LARP4B: variants seen among roughly 807,000 people sequenced by gnomAD.
LARP4B encodes the protein La ribonucleoprotein 4B, also known as la-related protein 4B.
LARP4B carries 12 observed loss-of-function variants against 89.8 expected under a neutral mutation model. The observed-to-expected ratio is 0.13, with a 90% confidence interval of 0.09 to 0.22. LARP4B has a LOEUF of 0.22. Among genes scored for constraint, LARP4B ranks in the 10% least tolerant of loss-of-function variants. The probability of loss-of-function intolerance (pLI) is 1.00; values close to 1 mark genes in which losing one functional copy is unlikely to be tolerated. For missense variants in LARP4B, 757 were observed against 947.7 expected (o/e 0.80, Z 2.64); for synonymous variants, 367 against 363.3 (o/e 1.01, Z -0.12).
intron 1 of LARP4B, among the ~76,000 whole-genome samples, chr10:930,869 C>A (rs952580493): frequency 6.6e-6 from 1 of 151,890 alleles, no homozygotes; most frequent in Non-Finnish European, 1.5e-5. Context: ...GCCGCCTATC[C>A]GGGCTCCGGC....
At chr10:931,321 C>G (rs1312752758) in intron 1 of LARP4B, 107 bp downstream of exon 1, 13 of 151,772 alleles carry the variant, frequency 8.6e-5, no homozygotes, top group African/African-American at 3.1e-4. Flanking sequence ...CGGCCCTGCC[C>G]GCCGCGGCCG....
intron 5 of LARP4B, among the ~76,000 whole-genome samples, chr10:861,544 C>T (rs1834618246): frequency 6.6e-6 from 1 of 152,116 alleles, no homozygotes. Context: ...AAAGAATCAC[C>T]TTTTGAAATT....
chr10:891,370 G>A (rs149486617), intron 1 of LARP4B, among the ~76,000 whole-genome samples: 1 of 152,184 alleles, frequency 6.6e-6, no homozygotes, highest in Admixed American at 6.5e-5. Flanking sequence ...AAAGAAAAAC[G>A]ATAATCAGAG....
chr10:939,707 G>A, the LARP4B span, among the ~76,000 whole-genome samples: 2 of 152,220 alleles, frequency 1.3e-5, no homozygotes, highest in African/African-American at 4.8e-5. Context: ...GAGTTGATGA[G>A]ACATGAGATT....
chr10:928,058 CA>C (rs373724119), intron 1 of LARP4B, among the ~76,000 whole-genome samples: 220 of 138,632 alleles, frequency 1.6e-3, no homozygotes, highest in Admixed American at 2.0e-3. Context: ...ACTAAAAATA[CA>C]AAAAAAAAAA....
At chr10:934,980 C>T (rs974653469), upstream of LARP4B, among the ~76,000 whole-genome samples, 1 of 152,216 alleles carries the variant, frequency 6.6e-6, no homozygotes, top group African/African-American at 2.4e-5. Flanking sequence ...TTCACCGGCT[C>T]CCCGTTGCCT....
the LARP4B span, among the ~76,000 whole-genome samples, chr10:984,365 T>C: frequency 6.6e-6 from 1 of 152,262 alleles, no homozygotes; most frequent in Admixed American, 6.5e-5. Context: ...GTATGATTAT[T>C]ATCACAAATC....
upstream of LARP4B, among the ~76,000 whole-genome samples, chr10:931,968 T>A (rs1270777559): frequency 7.0e-6 from 1 of 143,438 alleles, no homozygotes; most frequent in Non-Finnish European, 1.5e-5. Flanking sequence ...ACGCCGCACG[T>A]CCGCCCCGCC....
intron 3 of LARP4B, among the ~76,000 whole-genome samples, chr10:883,672 G>A (rs1311866313): frequency 4.6e-5 from 7 of 150,672 alleles, no homozygotes; most frequent in Non-Finnish European, 1.0e-4. Context: ...GGTGGCTCAC[G>A]CCTGTAATCC....
At chr10:870,121 G>A in intron 3 of LARP4B, 1 of 769,092 alleles carries the variant, frequency 1.3e-6, no homozygotes, top group Non-Finnish European at 1.6e-6. Flanking sequence ...GTGGCTTATG[G>A]TGCAGATCCT....
chr10:871,923 G>A (rs1048043900), intron 3 of LARP4B, among the ~76,000 whole-genome samples: 3 of 152,032 alleles, frequency 2.0e-5, no homozygotes, highest in Admixed American at 2.0e-4. Context: ...ACCACCTCCG[G>A]GTCATCACTC....
intron 1 of LARP4B, among the ~76,000 whole-genome samples, chr10:895,309 C>G (rs1158413734): frequency 6.6e-6 from 1 of 151,860 alleles, no homozygotes; most frequent in Non-Finnish European, 1.5e-5. Flanking sequence ...ACTTCATATG[C>G]TTATTTCTAT....
chr10:877,710 G>GT (rs1835512569), intron 3 of LARP4B, among the ~76,000 whole-genome samples: 2 of 152,274 alleles, frequency 1.3e-5, no homozygotes, highest in South Asian at 2.1e-4. Flanking sequence ...AGAGTGCACA[G>GT]TAAGAGCCAT....
At chr10:964,212 G>A in the LARP4B span, among the ~76,000 whole-genome samples, 22 of 151,962 alleles carry the variant, frequency 1.4e-4, no homozygotes, top group Admixed American at 7.2e-4. Context: ...GATTACAGGC[G>A]CCCGCCACCA....
intron 17 of LARP4B, among the ~76,000 whole-genome samples, chr10:813,830 C>G (rs1415832402): frequency 1.4e-5 from 2 of 143,192 alleles, no homozygotes; most frequent in East Asian, 4.1e-4. Context: ...GAGACACAGT[C>G]TCACTCTGTC....
At chr10:809,444 GTTTC>G (rs2131578532), downstream of LARP4B, 1 of 152,240 alleles carries the variant, frequency 6.6e-6, no homozygotes, top group Non-Finnish European at 1.5e-5. Context: ...TGAGGCCCGT[GTTTC>G]TTTCTCATGC....
chr10:819,426 G>T (rs1166782423), intron 14 of LARP4B: 1 of 152,140 alleles, frequency 6.6e-6, no homozygotes, highest in Non-Finnish European at 1.5e-5. Flanking sequence ...CAGGTCCCAT[G>T]GGCGTGGTTA....
intron 5 of LARP4B, among the ~76,000 whole-genome samples, chr10:863,295 C>G (rs1435805252): frequency 6.6e-6 from 1 of 151,654 alleles, no homozygotes; most frequent in East Asian, 1.9e-4. Context: ...ACGATCTCGG[C>G]TCACTGCAAG....
intron 1 of LARP4B, among the ~76,000 whole-genome samples, chr10:922,662 G>A (rs576687649): frequency 2.4e-4 from 36 of 151,284 alleles, no homozygotes; most frequent in African/African-American, 4.9e-4. Flanking sequence ...GCAACAGAAC[G>A]AGACCCCGTC....
Sources: gnomAD v4.1 joint callset for allele counts (sites outside exome capture counted in the v4.1 genomes callset) on GRCh38, gnomAD v4.1.1 for gene constraint, MANE v1.5 for transcripts, NCBI Gene and HGNC (gene_info 2026-07-23, HGNC 2026-07-21) for gene names.